Variants in LRP1B observed in about 807,000 individuals in gnomAD.
The protein encoded by LRP1B is low-density lipoprotein receptor-related protein 1B.
Under a neutral mutation model 556.6 loss-of-function variants are expected in LRP1B, and 217 were observed. The observed-to-expected ratio is 0.39, with a 90% CI of 0.35 to 0.44. The LOEUF is 0.44. LRP1B is among the 20% of genes least tolerant of loss of function. LRP1B has a pLI of 1.00. For missense variants in LRP1B, 5,053 were observed against 5,620.8 expected, an observed-to-expected ratio of 0.90 and a Z score of 3.23; for synonymous variants, 2,047 against 1,865.8, an observed-to-expected ratio of 1.10 and a Z score of -2.50.
chr2:141,053,559 G>A (rs757874063), intron 10 of LRP1B, among the ~76,000 whole-genome samples: 122 of 152,062 alleles, frequency 8.0e-4, no homozygotes, highest in Non-Finnish European at 1.4e-3. Flanking sequence ...AGATGTTCCA[G>A]CTTTCAGCCA....
rs1701148696 is a variant in LRP1B, at chr2:141,124,488, C to T, written c.1014-62215G>A. ...CATTCTACTTCTTGTCATTTTTCTA[C>T]TGTTTTATGGTTCCAAAGTTCTCCT... On this transcript the variant is annotated intron_variant, in intron 7 of 90. Transcript: ENST00000389484. Among the ~76,000 whole-genome samples, 3 of 151,916 alleles carry T rather than the reference C, an allele frequency of 2.0e-5. No individual in the cohort carries two copies. In the South Asian group the frequency reaches 6.2e-4, roughly 31 times the overall value.
chr2:140,408,269 C>T (rs1426413157), intron 66 of LRP1B, among the ~76,000 whole-genome samples: 4 of 151,842 alleles, frequency 2.6e-5, no homozygotes, highest in African/African-American at 9.7e-5. Flanking sequence ...TCTTAGAATT[C>T]ACCACTATAA....
At chr2:141,366,507 A>C (rs1011025823) in intron 3 of LRP1B, among the ~76,000 whole-genome samples, 8 of 152,210 alleles carry the variant, frequency 5.3e-5, no homozygotes, top group Non-Finnish European at 1.2e-4. Flanking sequence ...ATATTACCTA[A>C]TTGGGAACTA....
At chr2:141,783,295 T>C (rs923448969) in intron 2 of LRP1B, among the ~76,000 whole-genome samples, 1 of 151,974 alleles carries the variant, frequency 6.6e-6, no homozygotes, top group Non-Finnish European at 1.5e-5. Flanking sequence ...AAATAGAAGA[T>C]CAGAGAGAGA....
At chr2:140,813,280 G>A (rs1690991745) in intron 32 of LRP1B, among the ~76,000 whole-genome samples, 1 of 152,116 alleles carries the variant, frequency 6.6e-6, no homozygotes, top group South Asian at 2.1e-4. Context: ...TTCTACCTAT[G>A]GATCAAGCTA....
intron 55 of LRP1B, among the ~76,000 whole-genome samples, chr2:140,498,057 C>A (rs1217502463): frequency 6.6e-6 from 1 of 151,702 alleles, no homozygotes; most frequent in Non-Finnish European, 1.5e-5. Flanking sequence ...CATTAACTTT[C>A]ATAAATTCAA....
At chr2:141,726,994 T>G (rs1693063722) in intron 2 of LRP1B, among the ~76,000 whole-genome samples, 2 of 152,042 alleles carry the variant, frequency 1.3e-5, no homozygotes. Context: ...AATAACTAGT[T>G]CATTTTAAAA....
intron 77 of LRP1B, among the ~76,000 whole-genome samples, chr2:140,340,651 T>C (rs565261126): frequency 6.7e-6 from 1 of 148,486 alleles, no homozygotes; most frequent in Admixed American, 6.7e-5. Flanking sequence ...GAGGAGTAAA[T>C]TTAAGTTAAA....
At chr2:141,127,847 A>G (rs938689756) in intron 7 of LRP1B, among the ~76,000 whole-genome samples, 1 of 152,038 alleles carries the variant, frequency 6.6e-6, no homozygotes, top group African/African-American at 2.4e-5. Flanking sequence ...ATTACACTCT[A>G]TTTTCCTGGT....
chr2:140,473,307 A>G (rs1687842588), intron 60 of LRP1B, among the ~76,000 whole-genome samples: 1 of 151,940 alleles, frequency 6.6e-6, no homozygotes, highest in Admixed American at 6.6e-5. Flanking sequence ...GAAGGCTGCA[A>G]CTCTACTTTT....
chr2:141,038,178 A>T (rs1195140097), intron 11 of LRP1B, among the ~76,000 whole-genome samples: 1 of 152,076 alleles, frequency 6.6e-6, no homozygotes, highest in East Asian at 1.9e-4. Context: ...GTGGGAAAAT[A>T]AATGCAGGGC....
rs117737830 is a variant in LRP1B at position 141,631,905 on chromosome 2, G to A, written c.206-151372C>T. Among the ~76,000 whole-genome samples the A allele has an allele frequency of 1.1e-3, 170 of 152,066 alleles. 5 individuals carry two copies. The East Asian group carries it at 0.032, about 29-fold the overall frequency. ...AATGTAAGTTTTAGGAAATTTTACCGATTTTTCATTTCTTTTTTTTTAGAC... is the reference window on the plus strand; with the variant it reads ...AATGTAAGTTTTAGGAAATTTTACCAATTTTTCATTTCTTTTTTTTTAGAC... On this transcript the variant is annotated intron_variant, in intron 2 of 90. Coordinates refer to ENST00000389484, the MANE Select transcript of LRP1B (RefSeq NM_018557.3).
At chr2:141,162,570 A>G (rs1019816860) in intron 7 of LRP1B, among the ~76,000 whole-genome samples, 6 of 152,104 alleles carry the variant, frequency 3.9e-5, no homozygotes, top group African/African-American at 1.4e-4. Context: ...TCCAAGATCT[A>G]GGAAACTCTG....
Position 140,265,697 on chromosome 2 carries a change from A to G in LRP1B, c.13247+4545T>C, listed in dbSNP as rs546967763. ...TGAAAGCAATGTCTGTTTCCTGTAAATGTTTTTAGATGAAATAGTACATAC... is the reference window on the plus strand; with the variant it reads ...TGAAAGCAATGTCTGTTTCCTGTAAGTGTTTTTAGATGAAATAGTACATAC... On this transcript the variant is annotated intron_variant, in intron 86 of 90. Transcript: ENST00000389484. Among the ~76,000 whole-genome samples, 32 of 152,172 alleles carry G rather than the reference A, an allele frequency of 2.1e-4. No homozygotes were observed. In the South Asian group the frequency reaches 4.3e-3, roughly 21 times the overall value.
chr2:140,515,911 C>T (rs1689876404), intron 50 of LRP1B, among the ~76,000 whole-genome samples: 1 of 151,970 alleles, frequency 6.6e-6, no homozygotes, highest in Admixed American at 6.6e-5. Flanking sequence ...TATCTATTCA[C>T]CACAGTGTAT....
intron 3 of LRP1B, among the ~76,000 whole-genome samples, chr2:141,408,141 A>ATTTTTTTTT (rs35914905): frequency 1.6e-5 from 2 of 123,970 alleles, no homozygotes; most frequent in Non-Finnish European, 3.2e-5. Flanking sequence ...ATTTGGTTCA[A>ATTTTTTTTT]TTTTTTTTTT....
chr2:140,632,772 C>A (rs1162295261), intron 41 of LRP1B, among the ~76,000 whole-genome samples: 1 of 151,954 alleles, frequency 6.6e-6, no homozygotes, highest in Non-Finnish European at 1.5e-5. Flanking sequence ...CTACAAGAAC[C>A]CCACATTAGG....
chr2:140,813,547 T>C, intron 32 of LRP1B, 110 bp downstream of exon 32: 1 of 875,370 alleles, frequency 1.1e-6, no homozygotes, highest in South Asian at 1.5e-5. Context: ...TCAATTTGAA[T>C]ATAGTTCTGG....
intron 3 of LRP1B, among the ~76,000 whole-genome samples, chr2:141,314,826 A>ATATATATATG (rs1323342015): frequency 4.2e-5 from 5 of 119,160 alleles, no homozygotes; most frequent in East Asian, 2.8e-4. Context: ...ATATATATAT[A>ATATATATATG]TGTGTATATA....
Sources: gnomAD v4.1 joint callset for allele counts (sites outside exome capture counted in the v4.1 genomes callset) on GRCh38, gnomAD v4.1.1 for gene constraint, MANE v1.5 for transcripts, NCBI Gene and HGNC (gene_info 2026-07-23, HGNC 2026-07-21) for gene names.